ASZ1: variants seen among roughly 807,000 people sequenced by gnomAD.
ASZ1 encodes ankyrin repeat, SAM and basic leucine zipper domain-containing protein 1.
In ASZ1, 67 loss-of-function variants were observed where a neutral mutation model predicts 61.8. The ratio of observed to expected loss-of-function variants is 1.08; its 90% CI spans 0.89 to 1.33. The LOEUF is 1.33. Among genes scored for constraint, ASZ1 ranks in the 40% most tolerant of loss-of-function variants. The pLI is 0.00. For synonymous variants in ASZ1, 193 were observed against 192.7 expected (o/e 1.00, Z -0.01); for missense variants, 577 against 554.5 (o/e 1.04, Z -0.41).
intron 10 of ASZ1, among the ~76,000 whole-genome samples, chr7:117,376,928 T>C (rs1466823806): frequency 6.6e-6 from 1 of 151,980 alleles, no homozygotes; most frequent in African/African-American, 2.4e-5. Flanking sequence ...ACTGAAAGTC[T>C]TACCCACTGC....
intron 7 of ASZ1, 79 bp from the exon 8 acceptor site, chr7:117,382,223 AGAATAT>A: frequency 1.1e-6 from 1 of 870,468 alleles, no homozygotes; most frequent in African/African-American, 1.7e-5. Flanking sequence ...ATATTGCAAG[AGAATAT>A]GAATAATAAT....
chr7:117,375,221 G>A (rs1286066831), intron 10 of ASZ1, among the ~76,000 whole-genome samples: 1 of 151,948 alleles, frequency 6.6e-6, no homozygotes, highest in Non-Finnish European at 1.5e-5. Context: ...GGCAGAAGAG[G>A]CCTTACAGGG....
At chr7:117,387,127 C>T (rs73480753) in intron 4 of ASZ1, among the ~76,000 whole-genome samples, 24,655 of 146,074 alleles carry the variant, frequency 0.17, 2,215 homozygotes, top group Non-Finnish European at 0.19. Context: ...GAGGAAAGCC[C>T]TGCCTCTACC....
intron 4 of ASZ1, among the ~76,000 whole-genome samples, chr7:117,388,740 A>G (rs938784324): frequency 5.3e-5 from 8 of 152,170 alleles, no homozygotes; most frequent in African/African-American, 1.9e-4. Flanking sequence ...ACAAGGATGT[A>G]TGCTCTCACA....
In ASZ1 at chr7:117,363,786, GTACAA is replaced by G. The variant is rs772083493; in HGVS notation, c.1276-43_1276-39del. On this transcript the variant is annotated intron_variant, in intron 12 of 12. Transcript: ENST00000284629. ...ATGGAAAAAGAAAAGAGGAGTTACTGTACAATACATTAATAAAACATTTTGATTTT... is the reference window on the plus strand; with the variant it reads ...ATGGAAAAAGAAAAGAGGAGTTACTGTACATTAATAAAACATTTTGATTTT... 9 of 1,433,892 alleles carry G rather than the reference GTACAA, an allele frequency of 6.3e-6. No homozygotes were observed. In the Admixed American group the frequency reaches 1.2e-4, roughly 19 times the overall value. 88.8% of individuals were successfully genotyped at this position (1,433,892 alleles called of 1,614,324 possible).
chr7:117,375,371 T>C (rs948109995), intron 10 of ASZ1, among the ~76,000 whole-genome samples: 1 of 152,090 alleles, frequency 6.6e-6, no homozygotes, highest in Non-Finnish European at 1.5e-5. Flanking sequence ...TAGCTTTCCA[T>C]AACTAGTCAT....
intron 10 of ASZ1, among the ~76,000 whole-genome samples, chr7:117,377,202 T>C (rs1473602342): frequency 6.6e-6 from 1 of 152,084 alleles, no homozygotes. Context: ...ATGCATGAGA[T>C]CTGTATGATG....
At chr7:117,403,291 G>C (rs907090739) in intron 4 of ASZ1, among the ~76,000 whole-genome samples, 1 of 152,140 alleles carries the variant, frequency 6.6e-6, no homozygotes, top group African/African-American at 2.4e-5. Flanking sequence ...TCAGGTTTTT[G>C]CACAGGCCAT....
chr7:117,421,828 G>A (rs551406874), intron 3 of ASZ1, among the ~76,000 whole-genome samples: 88 of 152,190 alleles, frequency 5.8e-4, no homozygotes, highest in Non-Finnish European at 9.6e-4. Context: ...AAATTATTTA[G>A]TAACAAGGAC....
intron 11 of ASZ1, chr7:117,367,939 T>TGG: frequency 1.1e-6 from 1 of 908,858 alleles, no homozygotes; most frequent in Non-Finnish European, 1.3e-6. Flanking sequence ...TGGAGTGCAG[T>TGG]GGTGCAATCA....
Position 117,368,736 on chromosome 7 carries a change from C to A in ASZ1, c.1056-19G>T, listed in dbSNP as rs1222739697. 6 of 1,607,994 alleles carry A rather than the reference C, an allele frequency of 3.7e-6. No homozygotes were observed. The highest frequency in any genetic ancestry group is 5.1e-6 in the Non-Finnish European group (6 of 1,178,388). On this transcript the variant is annotated intron_variant, in intron 10 of 12. Transcript: ENST00000284629. ...ATCACCACTAAAGAAAGGAAACAAA[C>A]AAACAAGCAGGAATTACTAATAAGA...
At chr7:117,368,234 C>T (rs1562844015) in intron 11 of ASZ1, 20 of 970,542 alleles carry the variant, frequency 2.1e-5, no homozygotes, top group Non-Finnish European at 2.3e-5. Flanking sequence ...GCCACTTACA[C>T]TCTTCCTATT....
intron 4 of ASZ1, among the ~76,000 whole-genome samples, chr7:117,387,126 C>T (rs1373704680): frequency 6.8e-6 from 1 of 147,870 alleles, no homozygotes; most frequent in Non-Finnish European, 1.5e-5. Context: ...AGAGGAAAGC[C>T]CTGCCTCTAC....
At chr7:117,367,300 C>T (rs1423218558) in intron 12 of ASZ1, 52 bp downstream of exon 12, 16 of 1,305,446 alleles carry the variant, frequency 1.2e-5, no homozygotes, top group African/African-American at 1.5e-5. Flanking sequence ...ACACCTTTTG[C>T]TGTAAATCAT....
At chr7:117,373,946 G>T (rs967092368) in intron 10 of ASZ1, among the ~76,000 whole-genome samples, 1 of 151,984 alleles carries the variant, frequency 6.6e-6, no homozygotes, top group African/African-American at 2.4e-5. Flanking sequence ...ATTTAAGAAG[G>T]TGTGCTGATT....
intron 4 of ASZ1, among the ~76,000 whole-genome samples, chr7:117,394,693 T>A (rs1295657562): frequency 1.3e-5 from 2 of 152,180 alleles, no homozygotes; most frequent in African/African-American, 4.8e-5. Context: ...AGGTTCTCCA[T>A]GTCTCTACCT....
intron 2 of ASZ1, among the ~76,000 whole-genome samples, chr7:117,425,490 G>C (rs1226936374): frequency 1.3e-5 from 2 of 151,618 alleles, no homozygotes; most frequent in Non-Finnish European, 2.9e-5. Context: ...GGATGGTCTC[G>C]ATCTCCTGAC....
Position 117,420,185 on chromosome 7 carries a change from C to A in ASZ1, c.418G>T (p.Ala140Ser), listed in dbSNP as rs749606946. ...TACCTACAAGCAACATTTGGATCAG[C>A]ATTTCTTGAAAGTAGTAGTTCTACA... ...KCVELLLSRNADPNVACRRLM... is the reference protein window; with the variant it reads ...KCVELLLSRNSDPNVACRRLM... The change falls in exon 4 of 13, where the codon GCT becomes TCT. Residue 140 changes from alanine (A) to serine (S), a missense_variant. Transcript: ENST00000284629. 3.1e-6 allele frequency: 5 copies of A among 1,610,690 alleles called. No homozygotes were observed. Among genetic ancestry groups the A allele is most frequent in the Admixed American group, 1.7e-5 (1 of 59,882 alleles).
chr7:117,363,354 G>A lies in ASZ1; in HGVS notation c.*242C>T, dbSNP rs1170180315. The A allele has an allele frequency of 3.7e-6, 1 of 268,492 alleles. No individual in the cohort carries two copies. Among genetic ancestry groups the A allele is most frequent in the Non-Finnish European group, 6.9e-6 (1 of 145,142 alleles). The allele number at this position is 268,492 out of a possible 1,614,324, so 16.6% of individuals were successfully genotyped here. ...TTAATTTTGAATGTGATTTAGATAC[G>A]ATCAAACCAAAAAATTACTTATACT... is the stretch of plus-strand genomic sequence containing the variant. On this transcript the variant is annotated 3_prime_UTR_variant, in exon 13 of 13. Transcript: ENST00000284629.
Sources: allele counts gnomAD v4.1 joint callset (sites outside exome capture counted in the v4.1 genomes callset), GRCh38; gene constraint gnomAD v4.1.1; transcripts MANE v1.5; gene names NCBI Gene and HGNC (gene_info 2026-07-23, HGNC 2026-07-21).